The following GALNT18 variants were observed in gnomAD, a reference collection of about 807,000 sequenced individuals.
The protein encoded by GALNT18 is GalNAc-transferase 18.
GALNT18 carries 44 observed loss-of-function variants against 69.5 expected under a neutral mutation model. The ratio of observed to expected loss-of-function variants is 0.63; its 90% CI spans 0.50 to 0.81. The LOEUF (loss-of-function observed/expected upper bound fraction) is 0.81, where lower values mean the gene tolerates loss of function less well. Among genes scored for constraint, GALNT18 ranks in the 40% least tolerant of loss-of-function variants. The probability of loss-of-function intolerance (pLI) is 0.00; values close to 1 mark genes in which losing one functional copy is unlikely to be tolerated. For missense variants in GALNT18, 715 were observed against 810.0 expected, an observed-to-expected ratio of 0.88 and a Z score of 1.42; for synonymous variants, 364 against 318.2, an observed-to-expected ratio of 1.14 and a Z score of -1.53.
intron 1 of GALNT18, among the ~76,000 whole-genome samples, chr11:11,498,024 T>TA (rs1564979686): frequency 6.6e-6 from 1 of 151,930 alleles, no homozygotes; most frequent in Non-Finnish European, 1.5e-5. Context: ...TAAAATGAAC[T>TA]AAAAAACTGG....
chr11:11,452,356 G>A (rs1855820020), intron 1 of GALNT18, among the ~76,000 whole-genome samples: 2 of 152,200 alleles, frequency 1.3e-5, no homozygotes, highest in Non-Finnish European at 2.9e-5. Context: ...CATAGAACAT[G>A]TGTGAGGATA....
At chr11:11,272,674 G>A (rs1320217323) in intron 10 of GALNT18, among the ~76,000 whole-genome samples, 1 of 152,234 alleles carries the variant, frequency 6.6e-6, no homozygotes, top group Non-Finnish European at 1.5e-5. Flanking sequence ...GACAGGCTAA[G>A]CTGCAACCAT....
intron 1 of GALNT18, among the ~76,000 whole-genome samples, chr11:11,473,819 C>G (rs2133857654): frequency 6.6e-6 from 1 of 152,326 alleles, no homozygotes; most frequent in East Asian, 1.9e-4. Context: ...AATCCCAGCA[C>G]TTTGTGAGGC....
intron 1 of GALNT18, among the ~76,000 whole-genome samples, chr11:11,481,935 T>G (rs566704914): frequency 3.3e-5 from 5 of 152,378 alleles, no homozygotes; most frequent in Non-Finnish European, 7.3e-5. Context: ...TTAAATACAT[T>G]TCTTTGAATT....
At chr11:11,282,139 T>A (rs1195102399) in intron 10 of GALNT18, among the ~76,000 whole-genome samples, 1 of 152,158 alleles carries the variant, frequency 6.6e-6, no homozygotes, top group Non-Finnish European at 1.5e-5. Context: ...CTTCCTCCTG[T>A]CCCCCTTCTT....
chr11:11,513,610 G>A (rs949680315), intron 1 of GALNT18, among the ~76,000 whole-genome samples: 3 of 152,180 alleles, frequency 2.0e-5, no homozygotes, highest in Non-Finnish European at 4.4e-5. Context: ...TGTCTTCTCT[G>A]CCAAGCCTCA....
chr11:11,357,450 C>T (rs1444715268), intron 6 of GALNT18, among the ~76,000 whole-genome samples: 2 of 152,174 alleles, frequency 1.3e-5, no homozygotes, highest in East Asian at 1.9e-4. Flanking sequence ...CTAAACTCTC[C>T]GCCTTCCATC....
chr11:11,328,412 C>T (rs1296415419), intron 8 of GALNT18, among the ~76,000 whole-genome samples: 1 of 152,142 alleles, frequency 6.6e-6, no homozygotes, highest in Non-Finnish European at 1.5e-5. Flanking sequence ...TATCTATCTG[C>T]GGGGAGGCCA....
intron 8 of GALNT18, among the ~76,000 whole-genome samples, chr11:11,328,554 G>C (rs979838146): frequency 6.6e-6 from 1 of 152,114 alleles, no homozygotes; most frequent in Non-Finnish European, 1.5e-5. Context: ...TCCTAACAGG[G>C]GACAAGGAAC....
At position 11,341,443 on chromosome 11, in the gene GALNT18, G is replaced by A. The variant is rs1029858863; in HGVS notation, c.1093-439C>T. On this transcript the variant is annotated intron_variant, in intron 6 of 10. Coordinates refer to ENST00000227756, the MANE Select transcript of GALNT18 (RefSeq NM_198516.3). The surrounding 1 kb of genome is among the most constrained non-coding windows in gnomAD (Gnocchi z 6.3). ...GACTTCCTCTTCAAATGGACCACATGGGCCTGGACAAGAATTAGTGATCAC... is the reference window on the plus strand; with the variant it reads ...GACTTCCTCTTCAAATGGACCACATAGGCCTGGACAAGAATTAGTGATCAC... Among the ~76,000 whole-genome samples, 3 of 152,090 alleles carry A rather than the reference G, an allele frequency of 2.0e-5. No individual in the cohort carries two copies. Among genetic ancestry groups the A allele is most frequent in the African/African-American group, 7.2e-5 (3 of 41,402 alleles).
intron 1 of GALNT18, among the ~76,000 whole-genome samples, chr11:11,553,422 C>T (rs761075058): frequency 4.6e-5 from 7 of 152,230 alleles, no homozygotes; most frequent in Non-Finnish European, 1.0e-4. Context: ...CCCTCCAAAG[C>T]CCACCTCCAC....
chr11:11,524,843 T>C (rs936823745), intron 1 of GALNT18, among the ~76,000 whole-genome samples: 2 of 152,218 alleles, frequency 1.3e-5, no homozygotes, highest in Non-Finnish European at 2.9e-5. Context: ...GTCTCTGCCT[T>C]CACGACATTT....
intron 10 of GALNT18, among the ~76,000 whole-genome samples, chr11:11,279,837 T>TA (rs1849031120): frequency 6.6e-6 from 1 of 152,208 alleles, no homozygotes; most frequent in Non-Finnish European, 1.5e-5. Context: ...TGCTTTGTTT[T>TA]AAACCATGGA....
chr11:11,521,352 G>A (rs1010797773), intron 1 of GALNT18, among the ~76,000 whole-genome samples: 1 of 152,150 alleles, frequency 6.6e-6, no homozygotes, highest in African/African-American at 2.4e-5. Context: ...GACTTACGGT[G>A]TAAGCCCCAC....
intron 9 of GALNT18, among the ~76,000 whole-genome samples, chr11:11,305,031 T>A (rs1849557321): frequency 6.6e-6 from 1 of 152,228 alleles, no homozygotes; most frequent in African/African-American, 2.4e-5. Flanking sequence ...GGAGGGGTAC[T>A]GCCAAGCCTT....
intron 3 of GALNT18, among the ~76,000 whole-genome samples, chr11:11,431,279 T>C (rs1375489799): frequency 6.6e-6 from 1 of 151,880 alleles, no homozygotes; most frequent in Admixed American, 6.5e-5. Flanking sequence ...TCAGCAGGCC[T>C]AGGTGAAGTC....
chr11:11,281,476 C>T (rs531125680), intron 10 of GALNT18, among the ~76,000 whole-genome samples: 4 of 152,212 alleles, frequency 2.6e-5, no homozygotes, highest in Admixed American at 2.0e-4. Flanking sequence ...GCTGAAGATT[C>T]TGGCTGCTCA....
At chr11:11,458,977 G>A (rs937744376) in intron 1 of GALNT18, among the ~76,000 whole-genome samples, 1 of 152,202 alleles carries the variant, frequency 6.6e-6, no homozygotes, top group South Asian at 2.1e-4. Context: ...TGGAGCCAGT[G>A]TTTGCGTTTT....
chr11:11,275,765 C>T (rs1205673668), intron 10 of GALNT18, among the ~76,000 whole-genome samples: 1 of 152,132 alleles, frequency 6.6e-6, no homozygotes, highest in Non-Finnish European at 1.5e-5. Flanking sequence ...AGCCAGTTTC[C>T]CCAACACCAT....
Sources: allele counts gnomAD v4.1 joint callset (sites outside exome capture counted in the v4.1 genomes callset), GRCh38; gene constraint gnomAD v4.1.1; non-coding constraint Gnocchi (gnomAD v3.1); transcripts MANE v1.5; gene names NCBI Gene and HGNC (gene_info 2026-07-23, HGNC 2026-07-21).